The following ARMC9 variants were observed in gnomAD, a reference collection of about 807,000 sequenced individuals.
ARMC9 encodes lisH domain-containing protein ARMC9.
In ARMC9, 94 loss-of-function variants were observed where a neutral mutation model predicts 107.0. That is an observed-to-expected ratio of 0.88 (90% CI 0.74 to 1.04). The LOEUF is 1.04. Ranked by LOEUF, ARMC9 falls within the 50% of genes least tolerant of loss-of-function variation. ARMC9 has a pLI of 0.00. For missense variants in ARMC9, 942 were observed against 1,030.1 expected (o/e 0.91, Z 1.17); for synonymous variants, 380 against 396.9 (o/e 0.96, Z 0.51).
Position 231,370,114 on chromosome 2 carries a change from G to C in ARMC9, c.2423G>C (p.Arg808Thr), listed in dbSNP as rs753242599. The C allele has an allele frequency of 9.8e-6, 15 of 1,527,634 alleles. No individual in the cohort carries two copies. Among genetic ancestry groups the C allele is most frequent in the East Asian group, 2.5e-5 (1 of 40,558 alleles). The allele number at this position is 1,527,634 out of a possible 1,614,324, so 94.6% of individuals were successfully genotyped here. ...SRPGSTASSTRGLPSSQSHRK is the reference protein window; with the variant it reads ...SRPGSTASSTTGLPSSQSHRK ...CCCGGCTCCACAGCGTCCTCCACAA[G>C]GGGCCTGCCGAGTAAGTCAGCCTGG... Residue 808 changes from arginine to threonine, a missense_variant, in exon 24 of 25, where the codon AGG becomes ACG. Transcript: ENST00000611582.
At chr2:231,313,288 G>A (rs1047377077) in intron 19 of ARMC9, among the ~76,000 whole-genome samples, 2 of 152,252 alleles carry the variant, frequency 1.3e-5, no homozygotes, top group East Asian at 3.9e-4. Flanking sequence ...AGCCACTTCA[G>A]CTCTCTCATG....
rs570605740 is a variant in ARMC9, at chr2:231,365,271, A to C, written c.2261+4388A>C. On this transcript the variant is annotated intron_variant, in intron 23 of 24. Transcript: ENST00000611582. ...AAAATGTAAAGGGTGATATACGGGA[A>C]AGTTGGGAGGTGCTCTGCAAGGTAG... is the stretch of plus-strand genomic sequence containing the variant. Among the ~76,000 whole-genome samples, 153 of 152,276 alleles carry C rather than the reference A, an allele frequency of 1.0e-3. 1 individual carries two copies. Among genetic ancestry groups the C allele is most frequent in the African/African-American group, 3.4e-3 (141 of 41,544 alleles).
chr2:231,244,255 T>C (rs1277857267), intron 9 of ARMC9, among the ~76,000 whole-genome samples: 14 of 152,180 alleles, frequency 9.2e-5, no homozygotes, highest in Admixed American at 9.2e-4. Flanking sequence ...GAGCCCTTCT[T>C]TCCCCCTGAG....
chr2:231,307,604 A>G (rs1338416940), intron 19 of ARMC9, among the ~76,000 whole-genome samples: 1 of 152,190 alleles, frequency 6.6e-6, no homozygotes, highest in Non-Finnish European at 1.5e-5. Flanking sequence ...CTGAATATCT[A>G]GTCTCATCTC....
intron 12 of ARMC9, among the ~76,000 whole-genome samples, chr2:231,266,031 T>C (rs1228164242): frequency 1.3e-5 from 2 of 150,434 alleles, no homozygotes; most frequent in African/African-American, 2.4e-5. Context: ...TGAGTTGAAG[T>C]TCTCTTAAGA....
At chr2:231,237,218 G>A (rs1350987071) in intron 8 of ARMC9, among the ~76,000 whole-genome samples, 2 of 140,060 alleles carry the variant, frequency 1.4e-5, no homozygotes, top group African/African-American at 5.3e-5. Flanking sequence ...ACACACATGC[G>A]TACAGCATTT....
intron 20 of ARMC9, among the ~76,000 whole-genome samples, chr2:231,336,889 A>G (rs2044126955): frequency 6.6e-6 from 1 of 152,164 alleles, no homozygotes; most frequent in Admixed American, 6.5e-5. Context: ...CTTCTGCAGC[A>G]TGGCACCGTG....
chr2:231,321,626 T>C (rs1231967378), intron 19 of ARMC9, among the ~76,000 whole-genome samples: 1 of 152,192 alleles, frequency 6.6e-6, no homozygotes, highest in East Asian at 1.9e-4. Flanking sequence ...CTTCACTTGC[T>C]CCAGGTTGGG....
chr2:231,262,415 G>A lies in ARMC9; in HGVS notation c.1119+17G>A. The A allele has an allele frequency of 6.2e-7, 1 of 1,604,616 alleles. No individual in the cohort carries two copies. Among genetic ancestry groups the A allele is most frequent in the Non-Finnish European group, 8.5e-7 (1 of 1,171,280 alleles). ...CACAACCAGGTTGGTAAGAGGTGGG[G>A]CCAGATCCCAGCCAGGGCCTTCAAT... is the stretch of plus-strand genomic sequence containing the variant. On this transcript the variant is annotated intron_variant, in intron 12 of 24. Coordinates refer to ENST00000611582, the MANE Select transcript of ARMC9 (RefSeq NM_001352754.2).
chr2:231,352,079 A>G lies in ARMC9; in HGVS notation c.1995-3719A>G, dbSNP rs906969247. 5.3e-5 allele frequency among the ~76,000 whole-genome samples: 8 copies of G among 151,884 alleles called. No homozygotes were observed. In the East Asian group the frequency reaches 1.5e-3, roughly 29 times the overall value. On this transcript the variant is annotated intron_variant, in intron 21 of 24. Transcript: ENST00000611582. Reference sequence around the variant, plus strand: ...CCTCCTGGGCTCAAACCATCCTCCCACCTCAGCCTCCCAAGCAGCTGGGAC... The same window carrying G: ...CCTCCTGGGCTCAAACCATCCTCCCGCCTCAGCCTCCCAAGCAGCTGGGAC...
chr2:231,327,960 T>C (rs1392051932), intron 19 of ARMC9, among the ~76,000 whole-genome samples: 2 of 152,094 alleles, frequency 1.3e-5, no homozygotes. Context: ...AATTTTTGTT[T>C]TTTTCGTAGA....
In ARMC9 at chr2:231,271,088, T is replaced by C. The variant is rs1255249708; in HGVS notation, c.1210+16T>C. 6 of 1,613,006 alleles carry C rather than the reference T, an allele frequency of 3.7e-6. No homozygotes were observed. The Admixed American group carries it at 8.3e-5, about 22-fold the overall frequency. On this transcript the variant is annotated intron_variant, in intron 13 of 24. Coordinates refer to ENST00000611582, the MANE Select transcript of ARMC9 (RefSeq NM_001352754.2). Reference sequence around the variant, plus strand: ...CTGGCAGAAGGTGAGACATCAGCTTTGCTTCAAAGATAAGAGCTAGGTCAT... The same window carrying C: ...CTGGCAGAAGGTGAGACATCAGCTTCGCTTCAAAGATAAGAGCTAGGTCAT...
rs1001236853 is a variant in ARMC9 at position 231,355,674 on chromosome 2, A to C, written c.1995-124A>C. 7 of 1,214,530 alleles carry C rather than the reference A, an allele frequency of 5.8e-6. No individual in the cohort carries two copies. The Admixed American group carries it at 1.0e-4, about 18-fold the overall frequency. 75.2% of individuals were successfully genotyped at this position (1,214,530 alleles called of 1,614,324 possible). A position where few individuals can be genotyped will look rare whatever the true frequency, so the allele number is the denominator to read the frequency against. ...ACCCTTTAGAAGGTCTGATATGCTA[A>C]TGATGGTTTAACAAGACTTTGAGGC... On this transcript the variant is annotated intron_variant, in intron 21 of 24. Transcript: ENST00000611582.
At chr2:231,328,685 A>G (rs913611547) in intron 19 of ARMC9, among the ~76,000 whole-genome samples, 1 of 151,912 alleles carries the variant, frequency 6.6e-6, no homozygotes, top group Non-Finnish European at 1.5e-5. Flanking sequence ...CCATTGATCT[A>G]TGTGTCTGTC....
intron 12 of ARMC9, among the ~76,000 whole-genome samples, chr2:231,263,134 G>A (rs1443513032): frequency 6.6e-6 from 1 of 152,126 alleles, no homozygotes; most frequent in Non-Finnish European, 1.5e-5. Flanking sequence ...TGTTAAGAGT[G>A]TACTACATTT....
At chr2:231,222,675 C>T in intron 5 of ARMC9, 53 bp from the exon 6 acceptor site, 3 of 1,035,896 alleles carry the variant, frequency 2.9e-6, no homozygotes, top group Non-Finnish European at 4.4e-6. Flanking sequence ...CTTGATGATG[C>T]TATTGGTACT....
At chr2:231,369,891 G>T in intron 23 of ARMC9, 62 bp from the exon 24 acceptor site, 2 of 1,373,948 alleles carry the variant, frequency 1.5e-6, no homozygotes, top group Non-Finnish European at 1.9e-6. Flanking sequence ...ACCACACCCG[G>T]CCCCTCCTGT....
intron 19 of ARMC9, among the ~76,000 whole-genome samples, chr2:231,302,845 A>T (rs1450047426): frequency 6.6e-6 from 1 of 152,036 alleles, no homozygotes; most frequent in Non-Finnish European, 1.5e-5. Flanking sequence ...CTCTACCAAA[A>T]ATACAAAAAT....
chr2:231,215,013 T>C lies in ARMC9; in HGVS notation c.348+12T>C, dbSNP rs756605932. The stretch of plus-strand genomic sequence containing the variant: ...CTGTGGGGAGACCGGTGGGTTTACC[T>C]GGTGATGCGGGTGGGTCTGAGTGGT... On this transcript the variant is annotated intron_variant, in intron 4 of 24. Coordinates refer to ENST00000611582, the MANE Select transcript of ARMC9 (RefSeq NM_001352754.2). 6.2e-7 allele frequency: 1 copy of C among 1,613,524 alleles called. No individual in the cohort carries two copies. The highest frequency in any genetic ancestry group is 8.5e-7 in the Non-Finnish European group (1 of 1,179,560).
Sources: gnomAD v4.1 joint callset for allele counts (sites outside exome capture counted in the v4.1 genomes callset) on GRCh38, gnomAD v4.1.1 for gene constraint, MANE v1.5 for transcripts, NCBI Gene and HGNC (gene_info 2026-07-23, HGNC 2026-07-21) for gene names.